The following PTGER3 variants were observed in gnomAD, a reference collection of about 807,000 sequenced individuals.
PTGER3 encodes the protein prostaglandin E2 receptor EP3 subtype.
In PTGER3, 22 loss-of-function variants were observed where a neutral mutation model predicts 34.7. The observed-to-expected ratio is 0.63, with a 90% CI of 0.45 to 0.91. The LOEUF is 0.91. Among genes scored for constraint, PTGER3 ranks in the 40% least tolerant of loss-of-function variants. The pLI is 0.00. For synonymous variants in PTGER3, 241 were observed against 230.1 expected, an observed-to-expected ratio of 1.05 and a Z score of -0.43; for missense variants, 468 against 519.4, an observed-to-expected ratio of 0.90 and a Z score of 0.96.
At chr1:70,929,563 C>A (rs544822993) in intron 4 of PTGER3, among the ~76,000 whole-genome samples, 1 of 152,192 alleles carries the variant, frequency 6.6e-6, no homozygotes, top group South Asian at 2.1e-4. Flanking sequence ...TGCTTTTACC[C>A]TAAAACAGGT....
intron 2 of PTGER3, chr1:71,006,663 C>A (rs1003283749): frequency 1.0e-6 from 1 of 982,400 alleles, no homozygotes; most frequent in Non-Finnish European, 1.2e-6. Flanking sequence ...ATTAAATCAA[C>A]AATAATTTGT....
At chr1:70,976,055 C>G (rs1321094488) in intron 2 of PTGER3, among the ~76,000 whole-genome samples, 2 of 151,738 alleles carry the variant, frequency 1.3e-5, no homozygotes, top group Non-Finnish European at 2.9e-5. Context: ...ACTTTAGAAG[C>G]AGACTACAGC....
chr1:71,018,536 CA>C (rs1231213891), intron 1 of PTGER3, among the ~76,000 whole-genome samples: 1 of 152,082 alleles, frequency 6.6e-6, no homozygotes, highest in South Asian at 2.1e-4. Flanking sequence ...TCCTTTACCC[CA>C]CCCAATAGTT....
chr1:70,854,500 G>C (rs1175604423), intron 4 of PTGER3, among the ~76,000 whole-genome samples: 2 of 152,130 alleles, frequency 1.3e-5, no homozygotes, highest in African/African-American at 4.8e-5. Flanking sequence ...GTCAGAGGAG[G>C]GGCCTGGTGG....
chr1:71,047,122 G>C lies in PTGER3; in HGVS notation c.456C>G (p.Ala152=), dbSNP rs375100729. The change falls in exon 1 of 4, where the codon GCC becomes GCG. Residue 152 remains alanine (A), a synonymous_variant. Transcript: ENST00000306666. ...CCCTGATGGCCAGCGCCCGCTCGAC[G>C]GCCATGGCGCTGGCGATGAACAACG... ...LSSLFIASAM[A]VERALAIRAP... 3 of 1,602,814 alleles carry C rather than the reference G, an allele frequency of 1.9e-6. No homozygotes were observed. Among genetic ancestry groups the C allele is most frequent in the Non-Finnish European group, 2.6e-6 (3 of 1,175,172 alleles).
intron 4 of PTGER3, among the ~76,000 whole-genome samples, chr1:70,866,577 C>A (rs1315611839): frequency 1.3e-5 from 2 of 152,150 alleles, no homozygotes; most frequent in Non-Finnish European, 2.9e-5. Flanking sequence ...AGACTATGAG[C>A]TTTTCGATTG....
rs529829668 is a variant in PTGER3, at chr1:70,959,878, T to G, written c.1078-6089A>C. Among the ~76,000 whole-genome samples, 6 of 152,114 alleles carry G rather than the reference T, an allele frequency of 3.9e-5. No homozygotes were observed. The South Asian group carries it at 1.2e-3, about 32-fold the overall frequency. Reference sequence around the variant, plus strand: ...GTCACCCCCTTTCAAATTCATATATTGAAGTCCTAATTCCTGGTACCTAAT... The same window carrying G: ...GTCACCCCCTTTCAAATTCATATATGGAAGTCCTAATTCCTGGTACCTAAT... On this transcript the variant is annotated intron_variant, in intron 2 of 3. Coordinates refer to the PTGER3 transcript ENST00000356595.
chr1:70,986,987 C>T (rs566343989), intron 2 of PTGER3, among the ~76,000 whole-genome samples: 83 of 152,264 alleles, frequency 5.5e-4, no homozygotes, highest in African/African-American at 2.0e-3. Context: ...AAGCAGATAT[C>T]TTTAAGCACC....
chr1:70,914,182 C>G (rs1489978276), intron 4 of PTGER3, among the ~76,000 whole-genome samples: 1 of 151,692 alleles, frequency 6.6e-6, no homozygotes, highest in Non-Finnish European at 1.5e-5. Flanking sequence ...TATAAGGAAA[C>G]AAGAACAGTA....
chr1:70,988,384 G>C (rs1489735374), intron 2 of PTGER3, among the ~76,000 whole-genome samples: 1 of 152,138 alleles, frequency 6.6e-6, no homozygotes. Flanking sequence ...CTGATTATGA[G>C]GTGGATACCG....
chr1:71,009,604 C>A, intron 2 of PTGER3: 3 of 984,934 alleles, frequency 3.0e-6, no homozygotes, highest in Non-Finnish European at 2.4e-6. Flanking sequence ...AAAATCAACA[C>A]TACTTGGTAA....
chr1:70,886,331 G>A (rs1646498829), intron 4 of PTGER3: 1 of 448,318 alleles, frequency 2.2e-6, no homozygotes, highest in African/African-American at 2.0e-5. Flanking sequence ...CTCCAGAACT[G>A]TGAGAAACAA....
intron 4 of PTGER3, among the ~76,000 whole-genome samples, chr1:70,924,820 G>T (rs749644146): frequency 6.6e-6 from 1 of 151,862 alleles, no homozygotes; most frequent in Non-Finnish European, 1.5e-5. Context: ...TTTAATCCAT[G>T]AACTCACCCT....
At position 70,971,539 on chromosome 1, in the gene PTGER3, T is replaced by C; in HGVS notation, c.*191A>G. 8.1e-7 allele frequency: 1 copy of C among 1,237,308 alleles called. No homozygotes were observed. Among genetic ancestry groups the C allele is most frequent in the Non-Finnish European group, 1.0e-6 (1 of 982,698 alleles). The allele number at this position is 1,237,308 out of a possible 1,614,324, so 76.6% of individuals were successfully genotyped here. A position where few individuals can be genotyped will look rare whatever the true frequency, so the allele number is the denominator to read the frequency against. ...TCCCATCCAAGAAACCAATCTAATA[T>C]TCAGAGGCATGGATTATAATAATAA... On this transcript the variant is annotated 3_prime_UTR_variant, in exon 4 of 4. Transcript: ENST00000306666.
At chr1:70,956,097 T>C (rs1319275534) in intron 2 of PTGER3, among the ~76,000 whole-genome samples, 1 of 152,168 alleles carries the variant, frequency 6.6e-6, no homozygotes, top group East Asian at 1.9e-4. Context: ...CTGAGTGAAG[T>C]TGAAGTGTGA....
chr1:71,006,926 A>T, intron 2 of PTGER3: 1 of 985,460 alleles, frequency 1.0e-6, no homozygotes, highest in South Asian at 4.7e-5. Flanking sequence ...TATTAAATAC[A>T]CAGACTAGCC....
intron 4 of PTGER3, among the ~76,000 whole-genome samples, chr1:70,854,338 A>G (rs1272085574): frequency 6.6e-6 from 1 of 152,234 alleles, no homozygotes; most frequent in African/African-American, 2.4e-5. Context: ...CCGAAGAGTT[A>G]TAAATGGCTA....
chr1:70,995,782 T>C (rs1655887740), intron 2 of PTGER3, among the ~76,000 whole-genome samples: 3 of 152,164 alleles, frequency 2.0e-5, no homozygotes, highest in Admixed American at 2.0e-4. Flanking sequence ...TCACTATTAA[T>C]ATTATTTTAC....
chr1:70,925,268 G>T (rs1162695554), intron 4 of PTGER3, among the ~76,000 whole-genome samples: 3 of 152,134 alleles, frequency 2.0e-5, no homozygotes, highest in African/African-American at 4.8e-5. Flanking sequence ...GCCTACCAAG[G>T]TGCTGGAATT....
Sources: gnomAD v4.1 joint callset for allele counts (sites outside exome capture counted in the v4.1 genomes callset) on GRCh38, gnomAD v4.1.1 for gene constraint, MANE v1.5 for transcripts, NCBI Gene and HGNC (gene_info 2026-07-23, HGNC 2026-07-21) for gene names.